SSMEM1: variants seen among roughly 807,000 people sequenced by gnomAD.
SSMEM1 encodes serine-rich single-pass membrane protein 1.
In SSMEM1, 12 loss-of-function variants were observed where a neutral mutation model predicts 9.9. The ratio of observed to expected loss-of-function variants is 1.21; its 90% confidence interval spans 0.78 to 1.96. SSMEM1 has a LOEUF of 1.96. Among genes scored for constraint, SSMEM1 ranks in the 30% most tolerant of loss-of-function variants. The pLI is 0.00. For missense variants in SSMEM1, 259 were observed against 292.2 expected, an observed-to-expected ratio of 0.89 and a Z score of 0.83; for synonymous variants, 96 against 98.9, an observed-to-expected ratio of 0.97 and a Z score of 0.17.
upstream of SSMEM1, among the ~76,000 whole-genome samples, chr7:130,205,896 G>C (rs187651371): frequency 3.9e-5 from 6 of 152,072 alleles, no homozygotes; most frequent in East Asian, 9.7e-4. Context: ...GTCTGGTCTC[G>C]ATTTCCTAAC....
chr7:130,206,882 A>T (rs1273746838), upstream of SSMEM1: 1 of 199,246 alleles, frequency 5.0e-6, no homozygotes, highest in Non-Finnish European at 1.1e-5. Context: ...ATTACTCTGG[A>T]GGCTGAGGCA....
chr7:130,206,255 C>A (rs1470681491), upstream of SSMEM1, among the ~76,000 whole-genome samples: 1 of 152,138 alleles, frequency 6.6e-6, no homozygotes, highest in Non-Finnish European at 1.5e-5. Context: ...TCAACCCCAG[C>A]GGAGGCCCAC....
upstream of SSMEM1, among the ~76,000 whole-genome samples, chr7:130,205,811 A>G (rs185296322): frequency 7.2e-5 from 11 of 152,178 alleles, no homozygotes; most frequent in Admixed American, 4.6e-4. Flanking sequence ...CCCCTGTGTT[A>G]AAGTATCTAT....
Position 130,212,315 on chromosome 7 carries a change from G to A in SSMEM1, c.184-1165G>A, listed in dbSNP as rs147932530. On this transcript the variant is annotated intron_variant, in intron 1 of 2. Transcript: ENST00000297819. ...TGATTACATTTTGGAGGAAACTTTC[G>A]GAGGGATTAAGGAGATATTAAGTTC... Among the ~76,000 whole-genome samples the A allele has an allele frequency of 5.2e-3, 791 of 152,164 alleles. 3 individuals are homozygous for A. Among genetic ancestry groups the A allele is most frequent in the Non-Finnish European group, 8.3e-3 (561 of 67,996 alleles).
chr7:130,206,516 T>C (rs181739071), upstream of SSMEM1, among the ~76,000 whole-genome samples: 5 of 152,350 alleles, frequency 3.3e-5, no homozygotes, highest in East Asian at 7.7e-4. Flanking sequence ...CTAAGATTAA[T>C]ACCACGTGGT....
chr7:130,214,485 A>G (rs1022019189), intron 2 of SSMEM1, among the ~76,000 whole-genome samples: 5 of 152,142 alleles, frequency 3.3e-5, no homozygotes, highest in African/African-American at 1.2e-4. Flanking sequence ...AAAATATACA[A>G]TACTCCTTAT....
chr7:130,208,582 C>T (rs182741660), intron 1 of SSMEM1, among the ~76,000 whole-genome samples: 1 of 152,350 alleles, frequency 6.6e-6, no homozygotes, highest in African/African-American at 2.4e-5. Context: ...GTTTATCCAT[C>T]TGCTATGTAA....
In SSMEM1 at chr7:130,216,618, C is replaced by A; in HGVS notation, c.*148C>A. 1 of 1,004,442 alleles carries A rather than the reference C, an allele frequency of 1.0e-6. No individual in the cohort carries two copies. The highest frequency in any genetic ancestry group is 2.5e-5 in the East Asian group (1 of 39,314). The allele number at this position is 1,004,442 out of a possible 1,614,324, so 62.2% of individuals were successfully genotyped here. On this transcript the variant is annotated 3_prime_UTR_variant, in exon 3 of 3. Coordinates refer to ENST00000297819, the MANE Select transcript of SSMEM1 (RefSeq NM_145268.4). The stretch of plus-strand genomic sequence containing the variant: ...ATACTTGGAACCCAAGAGGTAAAAT[C>A]TCACACAATTCTTCGTTCAAAAAAA...
chr7:130,208,847 A>G (rs1798537943), intron 1 of SSMEM1, among the ~76,000 whole-genome samples: 1 of 152,120 alleles, frequency 6.6e-6, no homozygotes, highest in Admixed American at 6.5e-5. Flanking sequence ...CTTCCAACAT[A>G]TTATGAGTAA....
chr7:130,206,325 C>T (rs1281252490), upstream of SSMEM1, among the ~76,000 whole-genome samples: 1 of 152,110 alleles, frequency 6.6e-6, no homozygotes, highest in Non-Finnish European at 1.5e-5. Context: ...CGCATCCAGC[C>T]CAGCCCCAGC....
chr7:130,215,401 TGTA>T (rs1488869718), intron 2 of SSMEM1, among the ~76,000 whole-genome samples: 1 of 152,160 alleles, frequency 6.6e-6, no homozygotes, highest in African/African-American at 2.4e-5. Context: ...CATAAACAAA[TGTA>T]GTAAGATAAT....
Position 130,207,872 on chromosome 7 carries a change from C to G in SSMEM1, c.-39C>G, listed in dbSNP as rs1336805102. The G allele has an allele frequency of 1.2e-6, 2 of 1,604,950 alleles. No individual in the cohort carries two copies. The highest frequency in any genetic ancestry group is 1.1e-5 in the South Asian group (1 of 90,212). ...TGAAGTAGTTCCCAGTCATCTTTATCCCTTTAAGCATGGTTTATTTTCTGA... is the reference window on the plus strand; with the variant it reads ...TGAAGTAGTTCCCAGTCATCTTTATGCCTTTAAGCATGGTTTATTTTCTGA... On this transcript the variant is annotated 5_prime_UTR_variant, in exon 1 of 3. In the 5' UTR this introduces an upstream ATG that the reference lacks. Coordinates refer to ENST00000297819, the MANE Select transcript of SSMEM1 (RefSeq NM_145268.4).
intron 1 of SSMEM1, among the ~76,000 whole-genome samples, chr7:130,209,782 G>A (rs1490696662): frequency 7.2e-5 from 11 of 152,192 alleles, no homozygotes; most frequent in African/African-American, 2.4e-4. Context: ...GTTTCACCAT[G>A]TTGGCCAGGC....
At chr7:130,215,879 T>A in intron 2 of SSMEM1, 95 bp from the exon 3 acceptor site, 1 of 1,497,038 alleles carries the variant, frequency 6.7e-7, no homozygotes, top group Non-Finnish European at 9.0e-7. Flanking sequence ...AACTGGCCAC[T>A]AAGAGTGAGC....
At chr7:130,206,910 T>C (rs1405190563), upstream of SSMEM1, 1 of 211,564 alleles carries the variant, frequency 4.7e-6, no homozygotes, top group Non-Finnish European at 1.0e-5. Context: ...CACTTGAGCC[T>C]GGGAAGCCGA....
Position 130,207,901 on chromosome 7 carries a change from A to G in SSMEM1, c.-10A>G. 6.2e-7 allele frequency: 1 copy of G among 1,612,958 alleles called. No individual in the cohort carries two copies. The highest frequency in any genetic ancestry group is 8.5e-7 in the Non-Finnish European group (1 of 1,179,550). The stretch of plus-strand genomic sequence containing the variant: ...TTAAGCATGGTTTATTTTCTGAGCA[A>G]GGAGTCATCATGGGAGACCTTTTTT... On this transcript the variant is annotated 5_prime_UTR_variant, in exon 1 of 3. Transcript: ENST00000297819.
upstream of SSMEM1, among the ~76,000 whole-genome samples, chr7:130,205,688 C>T (rs1404107527): frequency 6.6e-6 from 1 of 152,172 alleles, no homozygotes; most frequent in Non-Finnish European, 1.5e-5. Flanking sequence ...ATTTTAGCTT[C>T]CCTAGGGCAT....
At chr7:130,212,271 A>G (rs1798605542) in intron 1 of SSMEM1, among the ~76,000 whole-genome samples, 1 of 152,216 alleles carries the variant, frequency 6.6e-6, no homozygotes, top group Admixed American at 6.5e-5. Context: ...TGGTTGCTGT[A>G]TTCACAAATA....
chr7:130,207,835 T>G, upstream of SSMEM1: 1 of 1,482,694 alleles, frequency 6.7e-7, no homozygotes, highest in East Asian at 2.3e-5. Flanking sequence ...TTGTCATACA[T>G]CATAGAGGGA....
Sources: gnomAD v4.1 joint callset for allele counts (sites outside exome capture counted in the v4.1 genomes callset) on GRCh38, gnomAD v4.1.1 for gene constraint, MANE v1.5 for transcripts, NCBI Gene and HGNC (gene_info 2026-07-23, HGNC 2026-07-21) for gene names.